Variants in POMT1 observed in about 807,000 individuals in gnomAD.
The protein encoded by POMT1 is protein O-mannosyltransferase 1, also known as protein O-mannosyl-transferase 1.
In POMT1, 85 loss-of-function variants were observed where a neutral mutation model predicts 101.6. The observed-to-expected ratio is 0.84, with a 90% confidence interval of 0.70 to 1.00. The LOEUF is 1.00. Among genes scored for constraint, POMT1 ranks in the 50% least tolerant of loss-of-function variants. The pLI is 0.00. For synonymous variants in POMT1, 371 were observed against 383.0 expected, an observed-to-expected ratio of 0.97 and a Z score of 0.37; for missense variants, 857 against 930.4, an observed-to-expected ratio of 0.92 and a Z score of 1.03.
intron 7 of POMT1, 35 bp from the exon 8 acceptor site, chr9:131,509,868 C>G (rs749133873): frequency 1.2e-6 from 2 of 1,614,072 alleles, no homozygotes; most frequent in East Asian, 2.2e-5. Flanking sequence ...GTTTTCCTGT[C>G]TCATGTTAAC....
chr9:131,517,676 C>T (rs958963170), intron 13 of POMT1, among the ~76,000 whole-genome samples: 2 of 152,232 alleles, frequency 1.3e-5, no homozygotes, highest in East Asian at 1.9e-4. Flanking sequence ...TCCCCGCCCC[C>T]CCACAGTCCT....
Position 131,519,559 on chromosome 9 carries a change from C to T in POMT1, c.1584+73C>T, listed in dbSNP as rs748582835. 1,348 of 1,413,726 alleles carry T rather than the reference C, an allele frequency of 9.5e-4. 3 individuals are homozygous for T. Among genetic ancestry groups the T allele is most frequent in the Non-Finnish European group, 1.2e-3 (1,270 of 1,033,408 alleles). 87.6% of individuals were successfully genotyped at this position (1,413,726 alleles called of 1,614,324 possible). A position where few individuals can be genotyped will look rare whatever the true frequency, so the allele number is the denominator to read the frequency against. On this transcript the variant is annotated intron_variant, in intron 16 of 19. Transcript: ENST00000402686. This position sits in a 1 kb window ranked among gnomAD's most constrained non-coding sequence, Gnocchi z 4.3. Reference sequence around the variant, plus strand: ...CCTCAGCAGGGAGGCCTGGGGGCTGCACAGGACTCAAACCAGAGTCAGGCT... The same window carrying T: ...CCTCAGCAGGGAGGCCTGGGGGCTGTACAGGACTCAAACCAGAGTCAGGCT...
At chr9:131,521,117 A>T in intron 17 of POMT1, 1 of 579,896 alleles carries the variant, frequency 1.7e-6, no homozygotes. Flanking sequence ...TGCTGGGATT[A>T]CAGGCATGTG....
In POMT1 at chr9:131,522,136, C is replaced by G; in HGVS notation, c.1915C>G (p.Leu639Val). 1.2e-6 allele frequency: 2 copies of G among 1,614,190 alleles called. No individual in the cohort carries two copies. Among genetic ancestry groups the G allele is most frequent in the African/African-American group, 2.7e-5 (2 of 75,038 alleles). The change falls in exon 19 of 20, where the codon CTC becomes GTC. Residue 639 changes from leucine (L) to valine (V), a missense_variant. Leu to Val is a conservative substitution (Grantham distance 32, BLOSUM62 1). Coordinates refer to ENST00000402686, the MANE Select transcript of POMT1 (RefSeq NM_001077365.2). The surrounding 1 kb of genome is among the most constrained non-coding windows in gnomAD (Gnocchi z 5.5). ...CCCGTTCTTCCTGATGGAGAAGACACTCTTCCTCTACCACTACCTGCCCGC... is the reference window on the plus strand; with the variant it reads ...CCCGTTCTTCCTGATGGAGAAGACAGTCTTCCTCTACCACTACCTGCCCGC... ...YLPFFLMEKT[L>V]FLYHYLPALT...
Position 131,505,010 on chromosome 9 carries a change from T to G in POMT1, c.122+670T>G, listed in dbSNP as rs577679066. On this transcript the variant is annotated intron_variant, in intron 2 of 19. Transcript: ENST00000402686. ...CCAGGCTGGTATTGAACTCCTGACC[T>G]CATGATCCACCCACCTGGGTCTCCC... Among the ~76,000 whole-genome samples the G allele has an allele frequency of 2.6e-5, 4 of 152,228 alleles. No individual in the cohort carries two copies. In the East Asian group the frequency reaches 7.7e-4, roughly 29 times the overall value.
chr9:131,511,580 A>G, intron 10 of POMT1, 113 bp downstream of exon 10: 1 of 1,446,188 alleles, frequency 6.9e-7, no homozygotes, highest in South Asian at 1.2e-5. Context: ...GACAGAAAGA[A>G]GTTGAGCAGC....
At chr9:131,507,222 A>G (rs1946051782) in intron 4 of POMT1, 146 bp from the exon 5 acceptor site, 1 of 1,153,098 alleles carries the variant, frequency 8.7e-7, no homozygotes, top group Middle Eastern at 2.2e-4. Flanking sequence ...TAGTTTATGC[A>G]CTCTGCTGCT....
intron 4 of POMT1, 52 bp from the exon 5 acceptor site, chr9:131,507,316 G>C: frequency 6.2e-7 from 1 of 1,612,794 alleles, no homozygotes; most frequent in Non-Finnish European, 8.5e-7. Context: ...GCAGTACACA[G>C]AGATGGTGTG....
At chr9:131,505,114 G>A (rs980104275) in intron 2 of POMT1, among the ~76,000 whole-genome samples, 2 of 151,342 alleles carry the variant, frequency 1.3e-5, no homozygotes, top group African/African-American at 2.4e-5. Context: ...TATGGAAAAC[G>A]TCAAACATAT....
Position 131,519,343 on chromosome 9 carries a change from G to C in POMT1, c.1487-46G>C. ...CTGACAGCTTCTGCTCTGAGCTCTT[G>C]ACCTTGTGCTACTTCTATCTGTTAT... On this transcript the variant is annotated intron_variant, in intron 15 of 19. Coordinates refer to ENST00000402686, the MANE Select transcript of POMT1 (RefSeq NM_001077365.2). This position sits in a 1 kb window ranked among gnomAD's most constrained non-coding sequence, Gnocchi z 4.3. The C allele has an allele frequency of 6.5e-7, 1 of 1,532,702 alleles. No individual in the cohort carries two copies. The highest frequency in any genetic ancestry group is 8.8e-7 in the Non-Finnish European group (1 of 1,131,292). The allele number at this position is 1,532,702 out of a possible 1,614,324, so 94.9% of individuals were successfully genotyped here. A position where few individuals can be genotyped will look rare whatever the true frequency, so the allele number is the denominator to read the frequency against.
chr9:131,507,500 T>C lies in POMT1; in HGVS notation c.413T>C (p.Leu138Pro). ...CATTGTGCCGCCATGGGAGCTGCTCTGTTGATGCTTATCGGTAAGACCTGC... is the reference window on the plus strand; with the variant it reads ...CATTGTGCCGCCATGGGAGCTGCTCCGTTGATGCTTATCGGTAAGACCTGC... ...FSHCAAMGAALLMLIENALIT... is the reference protein window; with the variant it reads ...FSHCAAMGAAPLMLIENALIT... The change falls in exon 5 of 20, where the codon CTG becomes CCG. Residue 138 changes from leucine (L) to proline (P), a missense_variant. Physicochemically the swap from Leu to Pro is moderately conservative, Grantham distance 98. Coordinates refer to ENST00000402686, the MANE Select transcript of POMT1 (RefSeq NM_001077365.2). The C allele has an allele frequency of 6.2e-7, 1 of 1,614,198 alleles. No individual in the cohort carries two copies.
In POMT1 at chr9:131,503,079, T is replaced by C. The variant is rs1025673121; in HGVS notation, c.-31+6T>C. The stretch of plus-strand genomic sequence containing the variant: ...GTGGACTCGGAGAAACGCGGGTACA[T>C]TTGGGGACACCGGGGACGAGAGCCC... On this transcript the variant is annotated splice_donor_region_variant and intron_variant, in intron 1 of 19. Coordinates refer to ENST00000402686, the MANE Select transcript of POMT1 (RefSeq NM_001077365.2). This position sits in a 1 kb window ranked among gnomAD's most constrained non-coding sequence, Gnocchi z 4.4. The C allele has an allele frequency of 2.6e-5, 4 of 152,186 alleles. No homozygotes were observed. Among genetic ancestry groups the C allele is most frequent in the African/African-American group, 9.7e-5 (4 of 41,442 alleles). 9.4% of individuals were successfully genotyped at this position (152,186 alleles called of 1,614,324 possible).
intron 9 of POMT1, 35 bp from the exon 10 acceptor site, chr9:131,511,302 G>A (rs1168081096): frequency 8.8e-6 from 14 of 1,590,854 alleles, no homozygotes; most frequent in Admixed American, 3.4e-5. Flanking sequence ...TTTTCTTTCT[G>A]TCTCTCACTC....
intron 12 of POMT1, among the ~76,000 whole-genome samples, chr9:131,514,671 C>T (rs1197368098): frequency 6.6e-6 from 1 of 152,110 alleles, no homozygotes; most frequent in African/African-American, 2.4e-5. Flanking sequence ...AGTGGGTGTT[C>T]CTGACCGGGC....
At chr9:131,518,214 G>T in intron 13 of POMT1, 1 of 623,094 alleles carries the variant, frequency 1.6e-6, no homozygotes, top group Non-Finnish European at 3.0e-6. Context: ...CCTCTTGTAC[G>T]GCCTTGGCGA....
rs150367385 is a variant in POMT1 at position 131,519,447 on chromosome 9, C to G, written c.1545C>G (p.Ser515Arg). 1.2e-3 allele frequency: 1,803 copies of G among 1,551,390 alleles called. 2 individuals are homozygous for G. The Middle Eastern group carries it at 0.02, about 18-fold the overall frequency. Residue 515 changes from serine (S) to arginine (R), a missense_variant, in exon 16 of 20, where the codon AGC (serine) becomes AGG (arginine). By Grantham distance (110) the Ser-to-Arg change is moderately radical. Coordinates refer to ENST00000402686, the MANE Select transcript of POMT1 (RefSeq NM_001077365.2). This position sits in a 1 kb window ranked among gnomAD's most constrained non-coding sequence, Gnocchi z 4.3. Reference protein sequence around the residue: ...ELHSPAQVDVSRNLSFMARFS... With the variant: ...ELHSPAQVDVRRNLSFMARFS... ...ACTCACCTGCGCAGGTGGACGTCAG[C>G]AGGAACCTCAGCTTCATGGCGAGAT... is the stretch of plus-strand genomic sequence containing the variant.
intron 9 of POMT1, chr9:131,511,000 A>G: frequency 3.7e-6 from 1 of 273,178 alleles, no homozygotes; most frequent in South Asian, 5.0e-5. Flanking sequence ...TGTGTGTTTC[A>G]GCAAGTTGTT....
At position 131,518,230 on chromosome 9, in the gene POMT1, A is replaced by G. The variant is rs941910206; in HGVS notation, c.1273-215A>G. Reference sequence around the variant, plus strand: ...CTCTTGTACGGCCTTGGCGAGGAGGAGGGTGCACTTCCCCAGCGACCCTCG... The same window carrying G: ...CTCTTGTACGGCCTTGGCGAGGAGGGGGGTGCACTTCCCCAGCGACCCTCG... On this transcript the variant is annotated intron_variant, in intron 13 of 19. Transcript: ENST00000402686. 1.2e-5 allele frequency: 8 copies of G among 670,566 alleles called. No individual in the cohort carries two copies. The African/African-American group carries it at 1.3e-4, about 11-fold the overall frequency. The allele number at this position is 670,566 out of a possible 1,614,324, so 41.5% of individuals were successfully genotyped here.
chr9:131,516,609 G>C (rs1948736952), intron 13 of POMT1: 1 of 152,712 alleles, frequency 6.5e-6, no homozygotes, highest in Admixed American at 6.5e-5. Flanking sequence ...TTTTCACAGG[G>C]AACCGATGCG....
Sources: allele counts gnomAD v4.1 joint callset (sites outside exome capture counted in the v4.1 genomes callset), GRCh38; gene constraint gnomAD v4.1.1; non-coding constraint Gnocchi (gnomAD v3.1); transcripts MANE v1.5; gene names NCBI Gene and HGNC (gene_info 2026-07-23, HGNC 2026-07-21).